The following GPR149 variants were observed in gnomAD, a reference collection of about 807,000 sequenced individuals.
GPR149 encodes probable G protein-coupled receptor 149.
Under a neutral mutation model 50.2 loss-of-function variants are expected in GPR149, and 50 were observed. The ratio of observed to expected loss-of-function variants is 1.00; its 90% confidence interval spans 0.79 to 1.26. The LOEUF is 1.26. Ranked by LOEUF, GPR149 falls within the 50% of genes most tolerant of loss-of-function variation. The pLI is 0.00. For synonymous variants in GPR149, 405 were observed against 358.2 expected (o/e 1.13, Z -1.48); for missense variants, 983 against 895.4 (o/e 1.10, Z -1.25).
At chr3:154,409,917 G>A in intron 3 of GPR149, among the ~76,000 whole-genome samples, 1 of 152,084 alleles carries the variant, frequency 6.6e-6, no homozygotes, top group East Asian at 1.9e-4. Context: ...TCATCTCCTA[G>A]GAACATAGTC....
chr3:154,381,822 G>A (rs1714935365), intron 3 of GPR149, among the ~76,000 whole-genome samples: 2 of 49,596 alleles, frequency 4.0e-5, no homozygotes, highest in Non-Finnish European at 5.5e-5. Context: ...ATTTGGTGAT[G>A]TGCACTATTA....
intron 3 of GPR149, among the ~76,000 whole-genome samples, chr3:154,414,566 C>G (rs1052286460): frequency 7.2e-5 from 11 of 151,792 alleles, no homozygotes; most frequent in Non-Finnish European, 1.6e-4. Flanking sequence ...TTAAAAATTA[C>G]AAGGGGGAAA....
chr3:154,347,806 A>G (rs140828192), intron 3 of GPR149, among the ~76,000 whole-genome samples: 55 of 152,336 alleles, frequency 3.6e-4, no homozygotes, highest in African/African-American at 1.3e-3. Flanking sequence ...GGAAGGGAGC[A>G]CCAATAGAAG....
intron 3 of GPR149, among the ~76,000 whole-genome samples, chr3:154,359,704 G>T (rs944998905): frequency 6.6e-6 from 1 of 152,114 alleles, no homozygotes; most frequent in Non-Finnish European, 1.5e-5. Context: ...TTCTCTTCAA[G>T]TCCTCTTCTT....
intron 3 of GPR149, among the ~76,000 whole-genome samples, chr3:154,386,804 G>A (rs1191261339): frequency 1.3e-5 from 2 of 152,078 alleles, no homozygotes; most frequent in Non-Finnish European, 2.9e-5. Flanking sequence ...AAAAAATAAT[G>A]TTATAATTTT....
rs150176906 is a variant in GPR149, at chr3:154,348,267, A to G, written c.1624-9996T>C. ...TGAATTAGACAGCAGATTCCTCTGC[A>G]GTAGTTTATTCTTGTAGTCTAAATA... On this transcript the variant is annotated intron_variant, in intron 3 of 3. Transcript: ENST00000389740. Among the ~76,000 whole-genome samples the G allele has an allele frequency of 7.1e-3, 1,083 of 152,348 alleles. 12 individuals are homozygous for G. The highest frequency in any genetic ancestry group is 0.025 in the African/African-American group (1,046 of 41,580).
chr3:154,388,932 A>G (rs1715107200), intron 3 of GPR149, among the ~76,000 whole-genome samples: 1 of 151,932 alleles, frequency 6.6e-6, no homozygotes, highest in Non-Finnish European at 1.5e-5. Flanking sequence ...GCATAAAAGC[A>G]CTTCCTCAGG....
At chr3:154,361,208 A>T (rs1470545488) in intron 3 of GPR149, among the ~76,000 whole-genome samples, 1 of 152,196 alleles carries the variant, frequency 6.6e-6, no homozygotes, top group Non-Finnish European at 1.5e-5. Flanking sequence ...ATCTCAAATA[A>T]AAAGAATGCT....
At chr3:154,346,514 C>T (rs1713929492) in intron 3 of GPR149, among the ~76,000 whole-genome samples, 1 of 151,972 alleles carries the variant, frequency 6.6e-6, no homozygotes, top group East Asian at 1.9e-4. Context: ...CTGTAAGAGG[C>T]ATGAAAAGTG....
intron 3 of GPR149, among the ~76,000 whole-genome samples, chr3:154,345,925 G>A (rs1402970465): frequency 6.6e-6 from 1 of 152,154 alleles, no homozygotes; most frequent in Admixed American, 6.5e-5. Context: ...GGTCACATAG[G>A]TAGTATCAGG....
intron 3 of GPR149, among the ~76,000 whole-genome samples, chr3:154,398,194 A>T (rs1459837953): frequency 6.6e-6 from 1 of 152,170 alleles, no homozygotes; most frequent in Admixed American, 6.5e-5. Context: ...GAGGAAGAAA[A>T]CATCTTCCCT....
At chr3:154,415,567 G>C (rs1203139211) in intron 3 of GPR149, among the ~76,000 whole-genome samples, 7 of 151,940 alleles carry the variant, frequency 4.6e-5, no homozygotes, top group African/African-American at 1.7e-4. Context: ...AAGTTATGCT[G>C]TGAAGTGGAG....
chr3:154,385,704 CTT>C (rs5853692), intron 3 of GPR149, among the ~76,000 whole-genome samples: 405 of 136,082 alleles, frequency 3.0e-3, no homozygotes, highest in Middle Eastern at 7.4e-3. Flanking sequence ...TTCTTTCTTT[CTT>C]TTTTTTTTTT....
At chr3:154,416,183 T>C (rs1200367586) in intron 3 of GPR149, among the ~76,000 whole-genome samples, 1 of 151,922 alleles carries the variant, frequency 6.6e-6, no homozygotes, top group South Asian at 2.1e-4. Context: ...TCCAGCCTTA[T>C]ACTTTATGGG....
At position 154,346,568 on chromosome 3, in the gene GPR149, C is replaced by G. The variant is rs777600529; in HGVS notation, c.1624-8297G>C. ...TTCACATTTAATCCTCAAAGGCCTT[C>G]AAGCTACAAATTAAGGTTTTTCTTT... On this transcript the variant is annotated intron_variant, in intron 3 of 3. Coordinates refer to ENST00000389740, the MANE Select transcript of GPR149 (RefSeq NM_001038705.3). Among the ~76,000 whole-genome samples, 17 of 151,624 alleles carry G rather than the reference C, an allele frequency of 1.1e-4. 1 individual carries two copies. The highest frequency in any genetic ancestry group is 2.9e-5 in the Non-Finnish European group (2 of 67,936).
chr3:154,396,749 T>C (rs1715302139), intron 3 of GPR149, among the ~76,000 whole-genome samples: 1 of 152,036 alleles, frequency 6.6e-6, no homozygotes, highest in Non-Finnish European at 1.5e-5. Context: ...CTATTGCTCT[T>C]CCCTTTGTCT....
intron 1 of GPR149, 102 bp from the exon 2 acceptor site, chr3:154,427,810 C>T (rs1559993126): frequency 2.7e-6 from 3 of 1,097,124 alleles, no homozygotes; most frequent in South Asian, 3.2e-5. Flanking sequence ...CCAGTTCCTT[C>T]TCCTGATGGA....
In GPR149 at chr3:154,336,768, A is replaced by G. The variant is rs1713664492; in HGVS notation, c.*931T>C. 6.6e-6 allele frequency: 1 copy of G among 152,142 alleles called. No homozygotes were observed. The highest frequency in any genetic ancestry group is 1.5e-5 in the Non-Finnish European group (1 of 67,972). 9.4% of individuals were successfully genotyped at this position (152,142 alleles called of 1,614,324 possible). ...AAGAATGACTAAGAAAGGTTGCCCA[A>G]TCCTCAGCTTTAAAAACAGATACTT... On this transcript the variant is annotated 3_prime_UTR_variant, in exon 4 of 4. Coordinates refer to ENST00000389740, the MANE Select transcript of GPR149 (RefSeq NM_001038705.3).
At position 154,344,484 on chromosome 3, in the gene GPR149, C is replaced by T. The variant is rs574212440; in HGVS notation, c.1624-6213G>A. ...GTTTGTAATGAGTTGAATAGCATCC[C>T]CCTCCAAATTCGTGTCCCCCTGTAA... On this transcript the variant is annotated intron_variant, in intron 3 of 3. Transcript: ENST00000389740. Among the ~76,000 whole-genome samples the T allele has an allele frequency of 5.9e-5, 9 of 152,148 alleles. 1 individual carries two copies. Among genetic ancestry groups the T allele is most frequent in the African/African-American group, 2.2e-4 (9 of 41,528 alleles).
Sources: allele counts gnomAD v4.1 joint callset (sites outside exome capture counted in the v4.1 genomes callset), GRCh38; gene constraint gnomAD v4.1.1; transcripts MANE v1.5; gene names NCBI Gene and HGNC (gene_info 2026-07-23, HGNC 2026-07-21).